The following NTM variants were observed in gnomAD, a reference collection of about 807,000 sequenced individuals.
NTM encodes the protein neurotrimin.
In NTM, 13 loss-of-function variants were observed where a neutral mutation model predicts 42.1. The ratio of observed to expected loss-of-function variants is 0.31; its 90% CI spans 0.20 to 0.49. The LOEUF is 0.49. Among genes scored for constraint, NTM ranks in the 20% least tolerant of loss-of-function variants. The pLI is 0.99. For missense variants in NTM, 373 were observed against 452.8 expected, an observed-to-expected ratio of 0.82 and a Z score of 1.60; for synonymous variants, 187 against 179.2, an observed-to-expected ratio of 1.04 and a Z score of -0.35.
chr11:132,210,236 C>T (rs2082627923), intron 3 of NTM, among the ~76,000 whole-genome samples: 1 of 152,146 alleles, frequency 6.6e-6, no homozygotes, highest in Admixed American at 6.5e-5. Flanking sequence ...AAGAATATAA[C>T]ATGAAGAAAC....
intron 2 of NTM, among the ~76,000 whole-genome samples, chr11:132,059,453 G>T (rs1403247001): frequency 6.6e-6 from 1 of 152,222 alleles, no homozygotes; most frequent in Non-Finnish European, 1.5e-5. Context: ...AGGCCTTAGG[G>T]ACTGTCTGTT....
At chr11:132,095,225 T>C (rs1301331316) in intron 2 of NTM, among the ~76,000 whole-genome samples, 3 of 152,192 alleles carry the variant, frequency 2.0e-5, no homozygotes, top group Non-Finnish European at 2.9e-5. Context: ...CTCACACTTT[T>C]ACTTCTCCCC....
At chr11:132,242,497 C>T (rs758837611) in intron 4 of NTM, among the ~76,000 whole-genome samples, 5 of 152,170 alleles carry the variant, frequency 3.3e-5, no homozygotes, top group Non-Finnish European at 5.9e-5. Flanking sequence ...GTCATTTGGG[C>T]GTCTCGCTAG....
intron 1 of NTM, among the ~76,000 whole-genome samples, chr11:131,884,176 G>A (rs1344196199): frequency 6.6e-6 from 1 of 152,140 alleles, no homozygotes; most frequent in African/African-American, 2.4e-5. Flanking sequence ...TTGGGAGGCT[G>A]AGGCGGGCAG....
At chr11:132,104,939 A>ATGTG (rs1566171778) in intron 2 of NTM, among the ~76,000 whole-genome samples, 1 of 18,744 alleles carries the variant, frequency 5.3e-5, no homozygotes, top group African/African-American at 2.4e-4. Flanking sequence ...ATACATATGT[A>ATGTG]TATATATATA....
At chr11:132,065,874 G>A (rs1298902366) in intron 2 of NTM, among the ~76,000 whole-genome samples, 7 of 152,214 alleles carry the variant, frequency 4.6e-5, no homozygotes, top group African/African-American at 1.7e-4. Context: ...CTGTGAGCAC[G>A]TGGACTTGCT....
At chr11:131,681,089 CTGTG>C (rs1289515116) in intron 1 of NTM, among the ~76,000 whole-genome samples, 5 of 43,310 alleles carry the variant, frequency 1.2e-4, no homozygotes, top group African/African-American at 2.8e-4. Context: ...GTTTCTGTGT[CTGTG>C]TGTATGTCTC....
At position 131,839,406 on chromosome 11, in the gene NTM, G is replaced by A. The variant is rs12421539; in HGVS notation, c.83-72158G>A. The stretch of plus-strand genomic sequence containing the variant: ...TATAAGCTGATGTTAGAGCAAATAT[G>A]TGAAGGAGATGAGGAAATGAGTCGG... On this transcript the variant is annotated intron_variant, in intron 1 of 8. Transcript: ENST00000683400. Among the ~76,000 whole-genome samples the A allele has an allele frequency of 7.0e-3, 1,064 of 152,318 alleles. 5 individuals are homozygous for A. Among genetic ancestry groups the A allele is most frequent in the Middle Eastern group, 0.037 (11 of 294 alleles).
intron 1 of NTM, among the ~76,000 whole-genome samples, chr11:131,378,699 CA>C (rs1444573046): frequency 6.6e-6 from 1 of 152,066 alleles, no homozygotes; most frequent in Non-Finnish European, 1.5e-5. Flanking sequence ...GATTGAGGGT[CA>C]AAAAGGAATG....
At chr11:131,432,775 G>A (rs917796570) in intron 1 of NTM, among the ~76,000 whole-genome samples, 4 of 144,670 alleles carry the variant, frequency 2.8e-5, no homozygotes, top group African/African-American at 1.0e-4. Flanking sequence ...TCAGTAATGT[G>A]TTTATAGAGT....
chr11:132,057,873 C>T (rs916780863), intron 2 of NTM, among the ~76,000 whole-genome samples: 9 of 152,222 alleles, frequency 5.9e-5, no homozygotes, highest in African/African-American at 2.2e-4. Context: ...TCAGCTTCCT[C>T]TACCTCATTT....
intron 2 of NTM, among the ~76,000 whole-genome samples, chr11:132,009,987 G>A (rs1361769315): frequency 1.3e-5 from 2 of 152,132 alleles, no homozygotes; most frequent in African/African-American, 4.8e-5. Context: ...TGAGCTGACC[G>A]AATACACGTT....
chr11:132,056,337 A>C (rs1369028766), intron 2 of NTM, among the ~76,000 whole-genome samples: 1 of 152,166 alleles, frequency 6.6e-6, no homozygotes, highest in Non-Finnish European at 1.5e-5. Context: ...CTATCCCCAA[A>C]ATAGCAGCTC....
chr11:131,548,040 T>C (rs1051256757), intron 1 of NTM, among the ~76,000 whole-genome samples: 1 of 152,190 alleles, frequency 6.6e-6, no homozygotes, highest in African/African-American at 2.4e-5. Flanking sequence ...ACATACTAAT[T>C]AGGTGACCTT....
In NTM at chr11:131,599,250, CATGCCCTGTCTACCCAGTCTCCAGCAG is replaced by C. The variant is rs1565687796; in HGVS notation, c.82+228385_82+228411del. On this transcript the variant is annotated intron_variant, in intron 1 of 8. Coordinates refer to ENST00000683400, the MANE Select transcript of NTM (RefSeq NM_001352005.2). ...TTTTGATGCATCGGCCCGAGTGTGC[CATGCCCTGTCTACCCAGTCTCCAGCAG>C]ATGCCCTGTCTACCCAGTCTCCGGC... Among the ~76,000 whole-genome samples the C allele has an allele frequency of 4.8e-3, 488 of 101,976 alleles. 25 individuals carry two copies. Among genetic ancestry groups the C allele is most frequent in the African/African-American group, 0.016 (470 of 29,240 alleles). 66.9% of individuals were successfully genotyped at this position (101,976 alleles called of 152,430 possible). A position where few individuals can be genotyped will look rare whatever the true frequency, so the allele number is the denominator to read the frequency against.
intron 1 of NTM, among the ~76,000 whole-genome samples, chr11:131,751,055 C>A (rs2082435142): frequency 6.6e-6 from 1 of 152,318 alleles, no homozygotes; most frequent in Middle Eastern, 3.4e-3. Context: ...CTCCCACCCT[C>A]CTAATCACTC....
chr11:131,789,628 GAAGA>G (rs2090446538), intron 1 of NTM, among the ~76,000 whole-genome samples: 1 of 85,126 alleles, frequency 1.2e-5, no homozygotes, highest in Admixed American at 1.2e-4. Flanking sequence ...AGAAGAAGAA[GAAGA>G]AGAAAAGAAG....
At chr11:131,989,925 A>G (rs1297888020) in intron 2 of NTM, among the ~76,000 whole-genome samples, 1 of 152,132 alleles carries the variant, frequency 6.6e-6, no homozygotes, top group Admixed American at 6.5e-5. Flanking sequence ...AGCAAATCAA[A>G]TGGCCAAAAC....
intron 3 of NTM, among the ~76,000 whole-genome samples, chr11:132,194,486 T>C (rs551815358): frequency 2.0e-5 from 3 of 152,226 alleles, no homozygotes; most frequent in Admixed American, 6.5e-5. Flanking sequence ...AAGAGACATA[T>C]ATGACAAACC....
Sources: gnomAD v4.1 joint callset for allele counts (sites outside exome capture counted in the v4.1 genomes callset) on GRCh38, gnomAD v4.1.1 for gene constraint, MANE v1.5 for transcripts, NCBI Gene and HGNC (gene_info 2026-07-23, HGNC 2026-07-21) for gene names.